The following ZC3H11A variants were observed in gnomAD, a reference collection of about 807,000 sequenced individuals.
ZC3H11A encodes zinc finger CCCH-type containing 11A.
In ZC3H11A, 22 loss-of-function variants were observed where a neutral mutation model predicts 90.8. The observed-to-expected ratio is 0.24, with a 90% CI of 0.17 to 0.35. The LOEUF (loss-of-function observed/expected upper bound fraction) is 0.35, where lower values mean the gene tolerates loss of function less well. ZC3H11A is among the 10% of genes least tolerant of loss of function. The pLI is 1.00. For synonymous variants in ZC3H11A, 294 were observed against 339.8 expected (o/e 0.87, Z 1.48); for missense variants, 701 against 964.9 (o/e 0.73, Z 3.62).
chr1:203,835,186 A>G (rs934050735), intron 10 of ZC3H11A, among the ~76,000 whole-genome samples: 5 of 152,220 alleles, frequency 3.3e-5, no homozygotes, highest in African/African-American at 4.8e-5. Flanking sequence ...ACTTTCAGCG[A>G]TGAGATAATG....
At chr1:203,804,814 A>G (rs1311690879) in intron 2 of ZC3H11A, among the ~76,000 whole-genome samples, 1 of 151,788 alleles carries the variant, frequency 6.6e-6, no homozygotes, top group Non-Finnish European at 1.5e-5. Context: ...CTGAGATTAC[A>G]GGCGCATGCC....
At chr1:203,796,869 G>A (rs1668697491) in intron 1 of ZC3H11A, 1 of 157,676 alleles carries the variant, frequency 6.3e-6, no homozygotes, top group Non-Finnish European at 1.4e-5. Flanking sequence ...ATTTTAAAAG[G>A]TTGTATTACT....
At position 203,817,038 on chromosome 1, in the gene ZC3H11A, A is replaced by G. The variant is rs779429270; in HGVS notation, c.-33A>G. On this transcript the variant is annotated 5_prime_UTR_variant, in exon 3 of 18. Transcript: ENST00000367210. Reference sequence around the variant, plus strand: ...TTTGAGGAAGCAGTGGCTTGTTTCAAGAAGCCACTTCTGATCTAAGAATCT... The same window carrying G: ...TTTGAGGAAGCAGTGGCTTGTTTCAGGAAGCCACTTCTGATCTAAGAATCT... 235 of 1,573,970 alleles carry G rather than the reference A, an allele frequency of 1.5e-4. No homozygotes were observed. Among genetic ancestry groups the G allele is most frequent in the Non-Finnish European group, 1.9e-4 (222 of 1,159,374 alleles).
At chr1:203,841,462 G>C (rs574166283) in intron 12 of ZC3H11A, among the ~76,000 whole-genome samples, 1 of 151,982 alleles carries the variant, frequency 6.6e-6, no homozygotes, top group East Asian at 1.9e-4. Flanking sequence ...CAGAGAGCAC[G>C]GGGTTGGGAG....
chr1:203,799,143 C>G lies in ZC3H11A; in HGVS notation c.-1587-2432C>G, dbSNP rs1046923243. ...AGACTGTTTGATAACCAATATTTTA[C>G]AAGAATTAAATGACCAGATTGGTCT... On this transcript the variant is annotated intron_variant, in intron 1 of 17. Transcript: ENST00000367210. 1.0e-5 allele frequency: 15 copies of G among 1,502,170 alleles called. No homozygotes were observed. The African/African-American group carries it at 1.8e-4, about 18-fold the overall frequency. The allele number at this position is 1,502,170 out of a possible 1,614,324, so 93.1% of individuals were successfully genotyped here.
chr1:203,799,778 T>TA, intron 1 of ZC3H11A: 1 of 1,012,318 alleles, frequency 9.9e-7, no homozygotes, highest in Non-Finnish European at 1.5e-6. Context: ...TTGAAACAGA[T>TA]ACCCTACTAA....
intron 15 of ZC3H11A, 105 bp from the exon 16 acceptor site, chr1:203,850,410 G>A: frequency 6.8e-7 from 1 of 1,469,424 alleles, no homozygotes; most frequent in Non-Finnish European, 9.5e-7. Context: ...TGAATTATTT[G>A]TGGTATTTCT....
intron 10 of ZC3H11A, among the ~76,000 whole-genome samples, chr1:203,835,170 TAAA>T (rs1319257365): frequency 6.6e-6 from 1 of 152,206 alleles, no homozygotes; most frequent in African/African-American, 2.4e-5. Context: ...CTCTAAGTAA[TAAA>T]AAACTTTCAG....
intron 1 of ZC3H11A, chr1:203,798,122 C>G (rs776213740): frequency 3.9e-6 from 6 of 1,536,120 alleles, no homozygotes; most frequent in Non-Finnish European, 8.7e-7. Context: ...AGGACTTTAC[C>G]TTGGATGTGT....
At chr1:203,811,939 C>T (rs746584248) in intron 2 of ZC3H11A, among the ~76,000 whole-genome samples, 46 of 151,830 alleles carry the variant, frequency 3.0e-4, no homozygotes, top group Non-Finnish European at 3.4e-4. Context: ...CCTCAGCCTC[C>T]TGAGTAGCTG....
intron 3 of ZC3H11A, 127 bp from the exon 4 acceptor site, chr1:203,818,443 G>GT (rs1023949501): frequency 3.1e-6 from 4 of 1,273,668 alleles, no homozygotes; most frequent in East Asian, 2.4e-5. Context: ...CATGTCCATT[G>GT]TTTTTTACCT....
chr1:203,830,177 T>C lies in ZC3H11A; in HGVS notation c.674T>C (p.Met225Thr), dbSNP rs1450724203. ...CTTGAGGAAATTAAGTCAAAGAAAA[T>C]GAAGGAAAAATCTAAGAAGCAAGGT... Reference protein sequence around the residue: ...KTLEEIKSKKMKEKSKKQGEG... With the variant: ...KTLEEIKSKKTKEKSKKQGEG... Residue 225 changes from methionine (M) to threonine (T), a missense_variant, in exon 8 of 18, where the codon ATG (methionine) becomes ACG (threonine). Around this residue, in one of 4 missense-constraint regions of ZC3H11A, gnomAD observed 530 missense variants for 696.2 expected, o/e 0.76. Coordinates refer to ENST00000367210, the MANE Select transcript of ZC3H11A (RefSeq NM_001376342.1). 8.8e-6 allele frequency: 14 copies of C among 1,599,800 alleles called. No homozygotes were observed. Among genetic ancestry groups the C allele is most frequent in the Non-Finnish European group, 1.2e-5 (14 of 1,176,436 alleles).
At position 203,798,799 on chromosome 1, in the gene ZC3H11A, A is replaced by G. The variant is rs185738115; in HGVS notation, c.-1587-2776A>G. ...ATTGTGGAGGATATGCATCCTTACA[A>G]CTATTTCTCAACCCCAGCCTTTCAG... On this transcript the variant is annotated intron_variant, in intron 1 of 17. Coordinates refer to ENST00000367210, the MANE Select transcript of ZC3H11A (RefSeq NM_001376342.1). 2.6e-5 allele frequency: 40 copies of G among 1,536,158 alleles called. No individual in the cohort carries two copies. In the East Asian group the frequency reaches 9.0e-4, roughly 35 times the overall value.
rs377393853 is a variant in ZC3H11A, at chr1:203,848,385, G to T, written c.1601G>T (p.Ser534Ile). ...QEGNEVDSQS[S>I]IRTEAKEASG... The stretch of plus-strand genomic sequence containing the variant: ...GGAAATGAAGTTGATTCTCAGAGCA[G>T]TATTAGAACAGAAGCTAAAGAGGTA... The change falls in exon 14 of 18, where the codon AGT becomes ATT. Residue 534 changes from serine (S) to isoleucine (I), a missense_variant. Ser to Ile is a moderately radical substitution (Grantham distance 142). This residue lies in a region of ZC3H11A where 530 missense variants were observed against 696.2 expected (regional missense o/e 0.76). Coordinates refer to ENST00000367210, the MANE Select transcript of ZC3H11A (RefSeq NM_001376342.1). The T allele has an allele frequency of 1.3e-5, 21 of 1,611,846 alleles. No homozygotes were observed. The African/African-American group carries it at 2.4e-4, about 18-fold the overall frequency.
chr1:203,797,738 G>A (rs1473103958), intron 1 of ZC3H11A: 1 of 1,535,712 alleles, frequency 6.5e-7, no homozygotes, highest in Non-Finnish European at 8.7e-7. Context: ...GAATTAAGGG[G>A]AAAAGGCGTC....
intron 4 of ZC3H11A, among the ~76,000 whole-genome samples, chr1:203,825,898 G>A (rs1048797351): frequency 3.3e-5 from 5 of 151,824 alleles, no homozygotes; most frequent in South Asian, 2.1e-4. Flanking sequence ...AGTTGTCTTC[G>A]TTGCACATAT....
chr1:203,818,957 T>C (rs1159847089), intron 4 of ZC3H11A, among the ~76,000 whole-genome samples: 1 of 151,118 alleles, frequency 6.6e-6, no homozygotes, highest in Non-Finnish European at 1.5e-5. Context: ...TAATTCCAGC[T>C]ACTCGGGAGG....
At chr1:203,850,109 A>AATT in intron 15 of ZC3H11A, 83 bp downstream of exon 15, 1 of 1,284,672 alleles carries the variant, frequency 7.8e-7, no homozygotes, top group East Asian at 2.4e-5. Flanking sequence ...CTTCCTGGCA[A>AATT]CAATTGGGTT....
At chr1:203,810,310 T>C (rs993712233) in intron 2 of ZC3H11A, among the ~76,000 whole-genome samples, 7 of 152,120 alleles carry the variant, frequency 4.6e-5, no homozygotes, top group African/African-American at 1.4e-4. Context: ...ATATTTGTTT[T>C]TATCCTAGTG....
Sources: gnomAD v4.1 joint callset for allele counts (sites outside exome capture counted in the v4.1 genomes callset) on GRCh38, gnomAD v4.1.1 for gene constraint, gnomAD v4.1.1 regional missense constraint, MANE v1.5 for transcripts, NCBI Gene and HGNC (gene_info 2026-07-23, HGNC 2026-07-21) for gene names.